Variants in ZBTB46 observed in about 807,000 individuals in gnomAD.
ZBTB46 encodes the protein zinc finger and BTB domain-containing protein 46.
Under a neutral mutation model 44.1 loss-of-function variants are expected in ZBTB46, and 8 were observed. The observed-to-expected ratio is 0.18, with a 90% CI of 0.11 to 0.33. The LOEUF (loss-of-function observed/expected upper bound fraction) is 0.33. Among genes scored for constraint, ZBTB46 ranks in the 10% least tolerant of loss-of-function variants. The pLI is 1.00. For missense variants in ZBTB46, 651 were observed against 847.7 expected (o/e 0.77, Z 2.88); for synonymous variants, 409 against 382.3 (o/e 1.07, Z -0.81).
chr20:63,791,422 G>A (rs2092559658), intron 1 of ZBTB46, among the ~76,000 whole-genome samples: 1 of 151,284 alleles, frequency 6.6e-6, no homozygotes, highest in Non-Finnish European at 1.5e-5. Flanking sequence ...CGTGAACCCG[G>A]GAGGCGGAGC....
At chr20:63,812,123 T>A (rs1158153788) in intron 1 of ZBTB46, among the ~76,000 whole-genome samples, 1 of 152,146 alleles carries the variant, frequency 6.6e-6, no homozygotes, top group Non-Finnish European at 1.5e-5. Context: ...CAACTTTTCC[T>A]ACATAAAAAA....
rs568467813 is a variant in ZBTB46 at position 63,811,347 on chromosome 20, G to A, written c.-34+19750C>T. Reference sequence around the variant, plus strand: ...GTGGGTCTCCCTGAAGAAGAGTCAAGCAGCCTTCCTCTCCCCAGCCCCACC... The same window carrying A: ...GTGGGTCTCCCTGAAGAAGAGTCAAACAGCCTTCCTCTCCCCAGCCCCACC... On this transcript the variant is annotated intron_variant, in intron 1 of 4. Coordinates refer to ENST00000245663, the MANE Select transcript of ZBTB46 (RefSeq NM_001369741.1). 8.5e-5 allele frequency among the ~76,000 whole-genome samples: 13 copies of A among 152,138 alleles called. No homozygotes were observed. The East Asian group carries it at 1.9e-3, about 23-fold the overall frequency.
At chr20:63,801,930 G>A (rs1188337405) in intron 1 of ZBTB46, among the ~76,000 whole-genome samples, 8 of 152,132 alleles carry the variant, frequency 5.3e-5, no homozygotes, top group Middle Eastern at 3.2e-3. Context: ...CGTAAATTAT[G>A]CCTCAATAAA....
chr20:63,814,842 AT>A (rs1448999838), intron 1 of ZBTB46: 1 of 152,496 alleles, frequency 6.6e-6, no homozygotes, highest in Non-Finnish European at 1.5e-5. Flanking sequence ...ACTTTCCTGA[AT>A]TTTAGCAATG....
intron 1 of ZBTB46, among the ~76,000 whole-genome samples, chr20:63,815,646 T>C (rs1206475082): frequency 1.4e-5 from 2 of 141,538 alleles, no homozygotes; most frequent in East Asian, 4.4e-4. Flanking sequence ...TGGGTACAGG[T>C]GGGCATAGGT....
intron 1 of ZBTB46, among the ~76,000 whole-genome samples, chr20:63,809,762 G>A (rs570968039): frequency 6.6e-6 from 1 of 152,244 alleles, no homozygotes; most frequent in East Asian, 1.9e-4. Flanking sequence ...AAAAGTTCAA[G>A]ACCAGCCTGG....
chr20:63,827,189 G>C (rs960292335), intron 1 of ZBTB46, among the ~76,000 whole-genome samples: 1 of 152,180 alleles, frequency 6.6e-6, no homozygotes, highest in Non-Finnish European at 1.5e-5. Flanking sequence ...ACCCACCTCC[G>C]TGGGAACTTT....
chr20:63,770,160 C>T (rs538320679), intron 3 of ZBTB46, among the ~76,000 whole-genome samples: 23 of 152,352 alleles, frequency 1.5e-4, no homozygotes, highest in South Asian at 4.1e-4. Context: ...TGTCCCCGGC[C>T]GACCGGCCGG....
intron 2 of ZBTB46, among the ~76,000 whole-genome samples, chr20:63,778,476 G>A (rs1483342410): frequency 1.3e-5 from 2 of 152,204 alleles, no homozygotes; most frequent in Non-Finnish European, 2.9e-5. Context: ...TGGGGCAGGG[G>A]GCACTTGGAG....
intron 2 of ZBTB46, among the ~76,000 whole-genome samples, chr20:63,786,458 C>T (rs550037976): frequency 6.6e-6 from 1 of 152,270 alleles, no homozygotes; most frequent in South Asian, 2.1e-4. Context: ...CACAACTCAG[C>T]CCGAGGCTGA....
intron 1 of ZBTB46, among the ~76,000 whole-genome samples, chr20:63,830,873 G>A (rs932108267): frequency 1.5e-4 from 22 of 142,678 alleles, no homozygotes; most frequent in African/African-American, 5.3e-4. Flanking sequence ...ACCCGCGGGG[G>A]CCGGGCCGGG....
chr20:63,822,855 C>G (rs62219909), intron 1 of ZBTB46, among the ~76,000 whole-genome samples: 7,168 of 151,598 alleles, frequency 0.047, 222 homozygotes, highest in Middle Eastern at 0.12. Flanking sequence ...CTGTACAAAA[C>G]ATGTTTTAAA....
At chr20:63,801,248 A>C (rs1271517865) in intron 1 of ZBTB46, among the ~76,000 whole-genome samples, 1 of 152,170 alleles carries the variant, frequency 6.6e-6, no homozygotes, top group East Asian at 1.9e-4. Flanking sequence ...AGGTTTGTGA[A>C]CACACCAATC....
At chr20:63,763,286 CCTTTCTTGCCTT>C (rs1364607427) in intron 3 of ZBTB46, among the ~76,000 whole-genome samples, 7 of 152,158 alleles carry the variant, frequency 4.6e-5, no homozygotes, top group African/African-American at 1.4e-4. Flanking sequence ...TCTTATTCCT[CCTTTCTTGCCTT>C]CTTTCAAATT....
chr20:63,753,834 T>C (rs1255355761), intron 3 of ZBTB46, among the ~76,000 whole-genome samples: 2 of 152,264 alleles, frequency 1.3e-5, no homozygotes, highest in African/African-American at 4.8e-5. Context: ...TTTCTGTGTT[T>C]TCACCCTTGT....
In ZBTB46 at chr20:63,792,097, C is replaced by T. The variant is rs1017440845; in HGVS notation, c.-33-1307G>A. Among the ~76,000 whole-genome samples, 8 of 152,274 alleles carry T rather than the reference C, an allele frequency of 5.3e-5. No homozygotes were observed. In the East Asian group the frequency reaches 5.8e-4, roughly 11 times the overall value. On this transcript the variant is annotated intron_variant, in intron 1 of 4. Transcript: ENST00000245663. ...GTCACCCTTTCACAAGGACACCAGT[C>T]GTCCGGGAGTAGGGGCCCACCCCCA...
intron 3 of ZBTB46, among the ~76,000 whole-genome samples, chr20:63,765,348 C>T (rs973061391): frequency 6.6e-6 from 1 of 152,230 alleles, no homozygotes; most frequent in Non-Finnish European, 1.5e-5. Context: ...TGAAGGGCAG[C>T]TCATCTGTGT....
intron 3 of ZBTB46, among the ~76,000 whole-genome samples, chr20:63,757,580 C>T (rs1200506520): frequency 1.3e-5 from 2 of 152,174 alleles, no homozygotes; most frequent in African/African-American, 2.4e-5. Context: ...GTCTCCACGA[C>T]GGCAGCACTA....
rs556484410 is a variant in ZBTB46, at chr20:63,785,522, C to T, written c.937+4299G>A. Among the ~76,000 whole-genome samples, 245 of 152,044 alleles carry T rather than the reference C, an allele frequency of 1.6e-3. 1 individual carries two copies. In the Middle Eastern group the frequency reaches 0.017, roughly 11 times the overall value. ...CTGCAGTGAGTCGAGATCACACCAC[C>T]GCACTCCAGCCTGGGTGACAGTGAC... On this transcript the variant is annotated intron_variant, in intron 2 of 4. Coordinates refer to ENST00000245663, the MANE Select transcript of ZBTB46 (RefSeq NM_001369741.1).
Sources: allele counts gnomAD v4.1 joint callset (sites outside exome capture counted in the v4.1 genomes callset), GRCh38; gene constraint gnomAD v4.1.1; transcripts MANE v1.5; gene names NCBI Gene and HGNC (gene_info 2026-07-23, HGNC 2026-07-21).